The following THAP10 variants were observed in gnomAD, a reference collection of about 807,000 sequenced individuals.
THAP10 encodes THAP domain containing 10.
A neutral mutation model predicts 15.7 loss-of-function variants in THAP10; 10 were observed. That is an observed-to-expected ratio of 0.64 (90% CI 0.39 to 1.08). THAP10 has a LOEUF of 1.08. Among genes scored for constraint, THAP10 ranks in the 50% least tolerant of loss-of-function variants. The pLI is 0.01. For synonymous variants in THAP10, 127 were observed against 129.1 expected, an observed-to-expected ratio of 0.98 and a Z score of 0.11; for missense variants, 310 against 330.9, an observed-to-expected ratio of 0.94 and a Z score of 0.49.
intron 1 of THAP10, among the ~76,000 whole-genome samples, chr15:70,891,567 C>CTGTGTGTGTGTGTGTGTGTGTGTG (rs3220843): frequency 7.3e-6 from 1 of 137,048 alleles, no homozygotes; most frequent in Admixed American, 7.6e-5. Flanking sequence ...GGACAAGACT[C>CTGTGTGTGTGTGTGTGTGTGTGTG]TGTGTGTGTG....
rs1226512152 is a variant in THAP10, at chr15:70,882,209, C to A, written c.*245G>T. 7 of 368,716 alleles carry A rather than the reference C, an allele frequency of 1.9e-5. No individual in the cohort carries two copies. Among genetic ancestry groups the A allele is most frequent in the Admixed American group, 1.3e-4 (3 of 23,736 alleles). 22.8% of individuals were successfully genotyped at this position (368,716 alleles called of 1,614,324 possible). ...TGATATTGTGGTTTTGCTTTGTAAC[C>A]TGATTTCTACCAAAAGGATTAAAAG... On this transcript the variant is annotated 3_prime_UTR_variant, in exon 3 of 3. Transcript: ENST00000249861.
chr15:70,886,010 A>G (rs1209916511), intron 1 of THAP10, among the ~76,000 whole-genome samples: 2 of 152,172 alleles, frequency 1.3e-5, no homozygotes, highest in Admixed American at 6.5e-5. Flanking sequence ...TGACCTAGAA[A>G]TCTATTGCAA....
At position 70,892,161 on chromosome 15, in the gene THAP10, G is replaced by C; in HGVS notation, c.112C>G (p.Arg38Gly). The change falls in exon 1 of 3, where the codon CGG (arginine) becomes GGG (glycine). Residue 38 changes from arginine to glycine, a missense_variant. Physicochemically the swap from Arg to Gly is moderately radical, Grantham distance 125 (BLOSUM62 -2). Transcript: ENST00000249861. ...AVRLLWDRFV[R>G]GCRADWYGGN... ...CCGTACCAGTCGGCGCGGCAACCCC[G>C]CACGAAGCGGTCCCAGAGCAGCCGC... The C allele has an allele frequency of 3.7e-6, 6 of 1,612,190 alleles. No homozygotes were observed. The highest frequency in any genetic ancestry group is 5.1e-6 in the Non-Finnish European group (6 of 1,179,308).
At chr15:70,884,352 G>A (rs547660518) in intron 1 of THAP10, among the ~76,000 whole-genome samples, 4 of 152,040 alleles carry the variant, frequency 2.6e-5, no homozygotes, top group African/African-American at 4.8e-5. Context: ...AGCCAACATC[G>A]TGAAACCCCA....
chr15:70,882,515 A>T lies in THAP10; in HGVS notation c.713T>A (p.Ile238Asn). The change falls in exon 3 of 3, where the codon ATC becomes AAC. Residue 238 changes from isoleucine to asparagine, a missense_variant. Coordinates refer to ENST00000249861, the MANE Select transcript of THAP10 (RefSeq NM_020147.4). Reference sequence around the variant, plus strand: ...AGACAAATCACTCTGTTCACTCTTGATATCCCAGTCTGTATCTGTTTCTGA... The same window carrying T: ...AGACAAATCACTCTGTTCACTCTTGTTATCCCAGTCTGTATCTGTTTCTGA... ...SDSETDTDWD[I>N]KSEQSDLSYM... The T allele has an allele frequency of 1.9e-6, 3 of 1,613,926 alleles. No individual in the cohort carries two copies. Among genetic ancestry groups the T allele is most frequent in the Non-Finnish European group, 2.5e-6 (3 of 1,179,932 alleles).
At chr15:70,891,604 TGTGTGTGTGTGTGTGA>T (rs1164581411) in intron 1 of THAP10, among the ~76,000 whole-genome samples, 7 of 139,602 alleles carry the variant, frequency 5.0e-5, no homozygotes, top group Non-Finnish European at 7.9e-5. Flanking sequence ...TGTGTGTGTG[TGTGTGTGTGTGTGTGA>T]GTTTTGGGGG....
In THAP10 at chr15:70,881,411, A is replaced by G. The variant is rs1483253450; in HGVS notation, c.*1043T>C. On this transcript the variant is annotated 3_prime_UTR_variant, in exon 3 of 3. Coordinates refer to ENST00000249861, the MANE Select transcript of THAP10 (RefSeq NM_020147.4). ...TTACATTTGGAAGAAAATAACTTTG[A>G]TGTATTATTTAAACCTTCTAGGATA... 6.6e-6 allele frequency: 1 copy of G among 152,234 alleles called. No homozygotes were observed. The highest frequency in any genetic ancestry group is 2.4e-5 in the African/African-American group (1 of 41,462). 9.4% of individuals were successfully genotyped at this position (152,234 alleles called of 1,614,324 possible).
chr15:70,882,480 C>T lies in THAP10; in HGVS notation c.748G>A (p.Val250Ile). 1 of 1,612,908 alleles carries T rather than the reference C, an allele frequency of 6.2e-7. No homozygotes were observed. The highest frequency in any genetic ancestry group is 8.5e-7 in the Non-Finnish European group (1 of 1,179,724). ...TAACATGTTTCTTCTTTCACCTGTA[C>T]AGCCATATAAGACAAATCACTCTGT... ...SEQSDLSYMA[V>I]QVKEETC is the part of the protein sequence containing the mutation. The change falls in exon 3 of 3, where the codon GTA becomes ATA. Residue 250 changes from valine to isoleucine, a missense_variant. Transcript: ENST00000249861.
intron 1 of THAP10, among the ~76,000 whole-genome samples, chr15:70,889,395 A>T (rs1345592842): frequency 6.6e-6 from 1 of 152,036 alleles, no homozygotes; most frequent in Non-Finnish European, 1.5e-5. Context: ...GTTACCTTTG[A>T]GGAGAGGGGA....
rs571724145 is a variant in THAP10 at position 70,888,935 on chromosome 15, A to C, written c.429+2909T>G. Among the ~76,000 whole-genome samples the C allele has an allele frequency of 2.0e-5, 3 of 152,326 alleles. No homozygotes were observed. The South Asian group carries it at 6.2e-4, about 32-fold the overall frequency. On this transcript the variant is annotated intron_variant, in intron 1 of 2. Transcript: ENST00000249861. Reference sequence around the variant, plus strand: ...CACTCTGCAAATGGACTCAGATGTGAAAGACTAGAAATCCCACGTATAGGC... The same window carrying C: ...CACTCTGCAAATGGACTCAGATGTGCAAGACTAGAAATCCCACGTATAGGC...
At chr15:70,886,724 G>T (rs2033417630) in intron 1 of THAP10, among the ~76,000 whole-genome samples, 1 of 152,100 alleles carries the variant, frequency 6.6e-6, no homozygotes, top group African/African-American at 2.4e-5. Context: ...AAATTAGCTG[G>T]GTGCGGTGGC....
chr15:70,883,040 C>T (rs2033306922), intron 1 of THAP10, 132 bp from the exon 2 acceptor site: 2 of 808,872 alleles, frequency 2.5e-6, no homozygotes, highest in Non-Finnish European at 1.9e-6. Flanking sequence ...ATATTTGAAC[C>T]TAGGCAAGGT....
chr15:70,887,845 G>A (rs1256667048), intron 1 of THAP10, among the ~76,000 whole-genome samples: 3 of 152,038 alleles, frequency 2.0e-5, no homozygotes, highest in Non-Finnish European at 4.4e-5. Flanking sequence ...ATAAACTATT[G>A]AAATTAATAA....
Position 70,882,486 on chromosome 15 carries a change from T to C in THAP10, c.742A>G (p.Met248Val), listed in dbSNP as rs890742613. 1.2e-6 allele frequency: 2 copies of C among 1,613,394 alleles called. No homozygotes were observed. The highest frequency in any genetic ancestry group is 1.7e-6 in the Non-Finnish European group (2 of 1,179,896). The stretch of plus-strand genomic sequence containing the variant: ...GTTTCTTCTTTCACCTGTACAGCCA[T>C]ATAAGACAAATCACTCTGTTCACTC... Reference protein sequence around the residue: ...IKSEQSDLSYMAVQVKEETC With the variant: ...IKSEQSDLSYVAVQVKEETC Residue 248 changes from methionine (M) to valine (V), a missense_variant, in exon 3 of 3, where the codon ATG (methionine) becomes GTG (valine). By Grantham distance (21) the Met-to-Val change is conservative (BLOSUM62 1). Transcript: ENST00000249861.
At chr15:70,885,485 G>GA (rs1182022285) in intron 1 of THAP10, among the ~76,000 whole-genome samples, 1 of 152,074 alleles carries the variant, frequency 6.6e-6, no homozygotes, top group Non-Finnish European at 1.5e-5. Context: ...GCAGCCAGAG[G>GA]AAAAAAGATA....
chr15:70,892,250 G>T lies in THAP10; in HGVS notation c.23C>A (p.Ala8Asp), dbSNP rs752850330. MPARCVAAHCGNTTKSGK... is the reference protein window; with the variant it reads MPARCVADHCGNTTKSGK... ...AGACTTGGTGGTGTTGCCGCAGTGGGCGGCCACACAACGGGCCGGCATGGC... is the reference window on the plus strand; with the variant it reads ...AGACTTGGTGGTGTTGCCGCAGTGGTCGGCCACACAACGGGCCGGCATGGC... The change falls in exon 1 of 3, where the codon GCC becomes GAC. Residue 8 changes from alanine (A) to aspartate (D), a missense_variant. Transcript: ENST00000249861. 8.9e-6 allele frequency: 14 copies of T among 1,580,106 alleles called. No individual in the cohort carries two copies. Among genetic ancestry groups the T allele is most frequent in the Non-Finnish European group, 1.1e-5 (13 of 1,162,264 alleles).
At chr15:70,886,320 T>C (rs185773636) in intron 1 of THAP10, among the ~76,000 whole-genome samples, 12 of 152,246 alleles carry the variant, frequency 7.9e-5, no homozygotes, top group African/African-American at 1.7e-4. Flanking sequence ...ACCCAGATTT[T>C]CCTCTATCAA....
chr15:70,886,209 T>C (rs1164356638), intron 1 of THAP10, among the ~76,000 whole-genome samples: 1 of 152,162 alleles, frequency 6.6e-6, no homozygotes, highest in Non-Finnish European at 1.5e-5. Flanking sequence ...TTAATGCATA[T>C]ATTAGGATAG....
At chr15:70,885,430 A>G (rs1329761222) in intron 1 of THAP10, among the ~76,000 whole-genome samples, 3 of 152,188 alleles carry the variant, frequency 2.0e-5, no homozygotes, top group African/African-American at 7.2e-5. Flanking sequence ...AACCAAACCT[A>G]TGCACACTAC....
Sources: allele counts gnomAD v4.1 joint callset (sites outside exome capture counted in the v4.1 genomes callset), GRCh38; gene constraint gnomAD v4.1.1; transcripts MANE v1.5; gene names NCBI Gene and HGNC (gene_info 2026-07-23, HGNC 2026-07-21).